ERI2: variants seen among roughly 807,000 people sequenced by gnomAD.
The protein encoded by ERI2 is ERI1 exoribonuclease family member 2.
A neutral mutation model predicts 46.8 loss-of-function variants in ERI2; 35 were observed. The observed-to-expected ratio is 0.75, with a 90% CI of 0.57 to 0.99. The LOEUF (loss-of-function observed/expected upper bound fraction) is 0.99. ERI2 is among the 50% of genes least tolerant of loss of function. The pLI, the probability that ERI2 is intolerant of heterozygous loss-of-function variation, is 0.00. For missense variants in ERI2, 695 were observed against 796.2 expected (o/e 0.87, Z 1.53); for synonymous variants, 224 against 271.0 (o/e 0.83, Z 1.70).
chr16:20,792,413 C>T, downstream of ERI2: 1 of 1,578,060 alleles, frequency 6.3e-7, no homozygotes, highest in East Asian at 2.2e-5. Context: ...CTCAGTGAAA[C>T]AGAATTAACC....
rs2080744256 is a variant in ERI2 at position 20,797,550 on chromosome 16, T to C, written c.*174A>G. On this transcript the variant is annotated 3_prime_UTR_variant, in exon 9 of 9. Transcript: ENST00000357967. ...GATCATATACTATTGTTGCTTATTA[T>C]ATGTAATCTAATAAATACTGTTTAC... 1 of 1,232,780 alleles carries C rather than the reference T, an allele frequency of 8.1e-7. No homozygotes were observed. Among genetic ancestry groups the C allele is most frequent in the African/African-American group, 1.6e-5 (1 of 63,948 alleles). 76.4% of individuals were successfully genotyped at this position (1,232,780 alleles called of 1,614,324 possible). A position where few individuals can be genotyped will look rare whatever the true frequency, so the allele number is the denominator to read the frequency against.
rs148354017 is a variant in ERI2 at position 20,781,063 on chromosome 16, C to T, written c.895-329G>A. The stretch of plus-strand genomic sequence containing the variant: ...TCTGCATGGAGTAGTGTTTTTTCTC[C>T]GTGGATCCAGGGAGCATGTGTATTC... On this transcript the variant is annotated intron_variant, in intron 10 of 10. Coordinates refer to the ERI2 transcript ENST00000300005. The T allele has an allele frequency of 2.5e-5, 41 of 1,613,964 alleles. No individual in the cohort carries two copies. Among genetic ancestry groups the T allele is most frequent in the Middle Eastern group, 1.6e-4 (1 of 6,082 alleles).
Position 20,797,747 on chromosome 16 carries a change from G to A in ERI2, c.2053C>T (p.Leu685Phe), listed in dbSNP as rs1257611070. ...TATCAATTCCTCATTGAAGGCCTGA[G>A]TCTCAAAGAATTTTTGGTGGAAATA... ...LSISTKNSLR[L>F]RPSMRN The change falls in exon 9 of 9, where the codon CTC becomes TTC. Residue 685 changes from leucine to phenylalanine, a missense_variant. Coordinates refer to ENST00000357967, the MANE Select transcript of ERI2 (RefSeq NM_001142725.2). 1.6e-5 allele frequency: 25 copies of A among 1,548,920 alleles called. No homozygotes were observed. Among genetic ancestry groups the A allele is most frequent in the Non-Finnish European group, 2.1e-5 (24 of 1,146,024 alleles).
At chr16:20,784,871 G>A (rs2080436495) in intron 10 of ERI2, 1 of 1,164,066 alleles carries the variant, frequency 8.6e-7, no homozygotes, top group Admixed American at 2.6e-5. Flanking sequence ...GCTAGGGAGA[G>A]GAATTAAAAA....
At chr16:20,796,231 A>C, downstream of ERI2, 1 of 1,397,064 alleles carries the variant, frequency 7.2e-7, no homozygotes, top group Non-Finnish European at 9.4e-7. Context: ...GCTTAAGAGC[A>C]CAGAGCTGGG....
chr16:20,783,969 C>T (rs1048462792), intron 10 of ERI2, among the ~76,000 whole-genome samples: 8 of 152,192 alleles, frequency 5.3e-5, no homozygotes, highest in Non-Finnish European at 1.5e-5. Flanking sequence ...CCATGCCTGG[C>T]TACTTTTTGT....
rs2080818956 is a variant in ERI2 at position 20,803,621 on chromosome 16, G to C, written c.73C>G (p.Leu25Val). 2 of 1,614,148 alleles carry C rather than the reference G, an allele frequency of 1.2e-6. No homozygotes were observed. The highest frequency in any genetic ancestry group is 1.7e-6 in the Non-Finnish European group (2 of 1,180,008). ...RKSIAPANGN[L>V]GRSKSKQLFD... is the part of the protein sequence containing the mutation. ...TACTCACTGGATTTGCTTCTTCCGA[G>C]ATTTCCATTTGCTGGCGCAATTGAC... The change falls in exon 2 of 9, where the codon CTC becomes GTC. Residue 25 changes from leucine (L) to valine (V), a missense_variant. Transcript: ENST00000357967.
Position 20,798,457 on chromosome 16 carries a change from T to G in ERI2, c.1343A>C (p.Lys448Thr). The G allele has an allele frequency of 6.4e-7, 1 of 1,551,290 alleles. No homozygotes were observed. The highest frequency in any genetic ancestry group is 8.7e-7 in the Non-Finnish European group (1 of 1,146,850). ...FNSGERLMVL[K>T]ELEMSSHENF... The stretch of plus-strand genomic sequence containing the variant: ...TTCATGACTTGACATTTCCAATTCT[T>G]TCAAAACCATTAATCTTTCTCCAGA... Residue 448 changes from lysine to threonine, a missense_variant, in exon 9 of 9, where the codon AAA becomes ACA. By Grantham distance (78) the Lys-to-Thr change is moderately conservative. Coordinates refer to ENST00000357967, the MANE Select transcript of ERI2 (RefSeq NM_001142725.2).
exon 11 of ERI2, chr16:20,780,513 T>C: frequency 1.9e-6 from 2 of 1,057,302 alleles, no homozygotes; most frequent in Non-Finnish European, 2.7e-6. Flanking sequence ...GGGCCTTTGA[T>C]GACAAAGTTT....
rs1567371336 is a variant in ERI2, at chr16:20,800,400, A to C, written c.463T>G (p.Trp155Gly). 1 of 1,587,156 alleles carries C rather than the reference A, an allele frequency of 6.3e-7. No homozygotes were observed. The highest frequency in any genetic ancestry group is 8.6e-7 in the Non-Finnish European group (1 of 1,158,490). Residue 155 changes from tryptophan to glycine, a missense_variant and splice_region_variant, in exon 6 of 9, where the codon TGG (tryptophan) becomes GGG (glycine). Transcript: ENST00000357967. ...KLCAFVTWSD[W>G]DLGVCLEYEC... ...TACTCCAGGCAAACCCCCAAGTCCCAGTCTGCATTAGGTACATTAAAATAG... is the reference window on the plus strand; with the variant it reads ...TACTCCAGGCAAACCCCCAAGTCCCCGTCTGCATTAGGTACATTAAAATAG...
intron 4 of ERI2, 67 bp from the exon 5 acceptor site, chr16:20,801,426 A>C (rs1296880963): frequency 6.9e-7 from 1 of 1,455,800 alleles, no homozygotes; most frequent in Non-Finnish European, 9.2e-7. Flanking sequence ...ATGTTTTATA[A>C]CTGTGGAGAA....
intron 8 of ERI2, chr16:20,791,014 A>C (rs2080585442): frequency 1.4e-6 from 2 of 1,447,772 alleles, no homozygotes; most frequent in South Asian, 2.4e-5. Context: ...AAATCCAGTT[A>C]GTGCTCTTTC....
At position 20,796,620 on chromosome 16, in the gene ERI2, G is replaced by C; in HGVS notation, c.*1104C>G. The C allele has an allele frequency of 6.6e-7, 1 of 1,521,438 alleles. No individual in the cohort carries two copies. Among genetic ancestry groups the C allele is most frequent in the Non-Finnish European group, 8.7e-7 (1 of 1,144,350 alleles). 94.2% of individuals were successfully genotyped at this position (1,521,438 alleles called of 1,614,324 possible). ...GTCCCAAACTGAACTGATGACATAT[G>C]GGTAAGAATCAGAATCTTTGAGATT... On this transcript the variant is annotated 3_prime_UTR_variant, in exon 9 of 9. Coordinates refer to ENST00000357967, the MANE Select transcript of ERI2 (RefSeq NM_001142725.2).
intron 1 of ERI2, among the ~76,000 whole-genome samples, 155 bp from the exon 2 acceptor site, chr16:20,803,825 G>A (rs1018786295): frequency 1.3e-5 from 2 of 152,080 alleles, no homozygotes; most frequent in African/African-American, 4.8e-5. Context: ...CACAGGCCTC[G>A]AAAGTACATA....
At chr16:20,802,083 T>C (rs951519331) in intron 4 of ERI2, among the ~76,000 whole-genome samples, 2 of 149,706 alleles carry the variant, frequency 1.3e-5, no homozygotes, top group Non-Finnish European at 3.0e-5. Flanking sequence ...GACTCACGCC[T>C]GTAATCCCAG....
chr16:20,780,374 T>A, exon 11 of ERI2: 4 of 443,470 alleles, frequency 9.0e-6, no homozygotes, highest in Non-Finnish European at 1.6e-5. Context: ...AAATTCTTCC[T>A]TATCCATGAT....
At position 20,798,855 on chromosome 16, in the gene ERI2, G is replaced by GC. The variant is rs751448812; in HGVS notation, c.944_945insG (p.Asn315LysfsTer18). On this transcript the variant is annotated frameshift_variant, in exon 9 of 9. Coordinates refer to ENST00000357967, the MANE Select transcript of ERI2 (RefSeq NM_001142725.2). LOFTEE classifies it low-confidence loss of function (END_TRUNC). ...CATTGTGAAGACTTGCTTTTATATTGTTTTTTACTTGTAATTGATCCTGTT... is the reference window on the plus strand; with the variant it reads ...CATTGTGAAGACTTGCTTTTATATTGCTTTTTTACTTGTAATTGATCCTGTT... 81 of 1,550,604 alleles carry GC rather than the reference G, an allele frequency of 5.2e-5. No individual in the cohort carries two copies. The highest frequency in any genetic ancestry group is 4.8e-5 in the Non-Finnish European group (55 of 1,146,714).
At chr16:20,793,278 G>C (rs1384773131), downstream of ERI2, among the ~76,000 whole-genome samples, 1 of 152,102 alleles carries the variant, frequency 6.6e-6, no homozygotes, top group Non-Finnish European at 1.5e-5. Flanking sequence ...AGACAAGCCT[G>C]GTCAACATGG....
intron 3 of ERI2, among the ~76,000 whole-genome samples, 195 bp from the exon 4 acceptor site, chr16:20,803,118 ATGT>A (rs2080813589): frequency 6.6e-6 from 1 of 152,252 alleles, no homozygotes; most frequent in African/African-American, 2.4e-5. Flanking sequence ...AGTTATGAGC[ATGT>A]TGTCTTAAAA....
Sources: allele counts gnomAD v4.1 joint callset (sites outside exome capture counted in the v4.1 genomes callset), GRCh38; gene constraint gnomAD v4.1.1; transcripts MANE v1.5; gene names NCBI Gene and HGNC (gene_info 2026-07-23, HGNC 2026-07-21).